FAM13A: variants seen among roughly 807,000 people sequenced by gnomAD.
The protein encoded by FAM13A is family with sequence similarity 13 member A.
A neutral mutation model predicts 129.6 loss-of-function variants in FAM13A; 76 were observed. That is an observed-to-expected ratio of 0.59 (90% confidence interval 0.49 to 0.71). FAM13A has a LOEUF of 0.71. FAM13A is among the 30% of genes least tolerant of loss of function. The pLI, the probability that FAM13A is intolerant of heterozygous loss-of-function variation, is 0.00. For missense variants in FAM13A, 1,108 were observed against 1,249.3 expected (o/e 0.89, Z 1.70); for synonymous variants, 443 against 449.9 (o/e 0.98, Z 0.20).
In FAM13A at chr4:88,726,139, C is replaced by A. The variant is rs1236686440; in HGVS notation, c.*2394G>T. The A allele has an allele frequency of 1.3e-5, 2 of 152,140 alleles. No homozygotes were observed. The highest frequency in any genetic ancestry group is 3.9e-4 in the East Asian group (2 of 5,190). 9.4% of individuals were successfully genotyped at this position (152,140 alleles called of 1,614,324 possible). ...ATTAATTAAGACACCGCCTCTAGTG[C>A]CTTGAGATTCTGGGCTGCAGAAATG... On this transcript the variant is annotated 3_prime_UTR_variant, in exon 24 of 24. Coordinates refer to ENST00000264344, the MANE Select transcript of FAM13A (RefSeq NM_014883.4).
At chr4:88,982,158 T>C (rs1489444692) in intron 4 of FAM13A, among the ~76,000 whole-genome samples, 2 of 152,222 alleles carry the variant, frequency 1.3e-5, no homozygotes, top group African/African-American at 4.8e-5. Flanking sequence ...TTGAAGAAGT[T>C]GGCTTGTGTT....
At chr4:88,802,016 T>C (rs780368356) in intron 8 of FAM13A, among the ~76,000 whole-genome samples, 5 of 151,866 alleles carry the variant, frequency 3.3e-5, no homozygotes, top group African/African-American at 9.7e-5. Flanking sequence ...ATGCAGACAA[T>C]AAAAGGTTGA....
At chr4:89,045,367 A>T (rs540052342) in intron 1 of FAM13A, among the ~76,000 whole-genome samples, 1 of 152,324 alleles carries the variant, frequency 6.6e-6, no homozygotes, top group African/African-American at 2.4e-5. Context: ...AATCACAATG[A>T]TTTCAGAGCT....
chr4:88,948,685 C>T (rs1756380973), intron 4 of FAM13A, among the ~76,000 whole-genome samples: 1 of 152,126 alleles, frequency 6.6e-6, no homozygotes, highest in South Asian at 2.1e-4. Context: ...GGCGGGGTTT[C>T]ACCATGTTGG....
intron 4 of FAM13A, among the ~76,000 whole-genome samples, chr4:88,968,317 T>C (rs537106052): frequency 6.6e-6 from 1 of 152,350 alleles, no homozygotes; most frequent in East Asian, 1.9e-4. Context: ...GTTTCAACTT[T>C]GCAACACTTA....
In FAM13A at chr4:88,727,271, TAAA is replaced by T. The variant is rs1325455145; in HGVS notation, c.*1259_*1261del. On this transcript the variant is annotated 3_prime_UTR_variant, in exon 24 of 24. Coordinates refer to ENST00000264344, the MANE Select transcript of FAM13A (RefSeq NM_014883.4). The stretch of plus-strand genomic sequence containing the variant: ...AACCCACTGTCCTTGGCGCAGGAGT[TAAA>T]AAAGTAACAGCAAATCATGAGGTGA... The T allele has an allele frequency of 6.6e-6, 1 of 152,566 alleles. No homozygotes were observed. The highest frequency in any genetic ancestry group is 1.5e-5 in the Non-Finnish European group (1 of 68,042). 9.5% of individuals were successfully genotyped at this position (152,566 alleles called of 1,614,324 possible). A position where few individuals can be genotyped will look rare whatever the true frequency, so the allele number is the denominator to read the frequency against.
intron 6 of FAM13A, among the ~76,000 whole-genome samples, chr4:88,900,446 C>T (rs1280912927): frequency 2.6e-5 from 4 of 151,958 alleles, no homozygotes; most frequent in African/African-American, 9.7e-5. Context: ...AACCATGGAC[C>T]TCTCAGTGGA....
rs142382120 is a variant in FAM13A, at chr4:88,967,297, T to C, written c.605+23676A>G. On this transcript the variant is annotated intron_variant, in intron 4 of 23. Coordinates refer to ENST00000264344, the MANE Select transcript of FAM13A (RefSeq NM_014883.4). ...TATCTACTATACATTTGGTGCACAG[T>C]ATGGTGAGAATAACTGAACTGCTGA... Among the ~76,000 whole-genome samples the C allele has an allele frequency of 8.5e-5, 13 of 152,312 alleles. No homozygotes were observed. The South Asian group carries it at 1.7e-3, about 19-fold the overall frequency.
rs144789627 is a variant in FAM13A, at chr4:88,901,029, A to G, written c.843+5350T>C. On this transcript the variant is annotated intron_variant, in intron 6 of 23. Coordinates refer to ENST00000264344, the MANE Select transcript of FAM13A (RefSeq NM_014883.4). ...ACAAAACAGGCCTTAAACCAACAAC[A>G]ATAAAAAAAGACAAAGAAGAGCTTT... 4.3e-3 allele frequency among the ~76,000 whole-genome samples: 662 copies of G among 152,190 alleles called. 4 individuals carry two copies. The highest frequency in any genetic ancestry group is 0.015 in the African/African-American group (629 of 41,546).
rs899397089 is a variant in FAM13A at position 88,728,013 on chromosome 4, T to C, written c.*520A>G. On this transcript the variant is annotated 3_prime_UTR_variant, in exon 24 of 24. Transcript: ENST00000264344. The stretch of plus-strand genomic sequence containing the variant: ...AGGCGCAGCTCTGTGGAAAGGTCAC[T>C]AGAATGGCAGCGGCAGCAAATAGGG... 6 of 154,266 alleles carry C rather than the reference T, an allele frequency of 3.9e-5. No individual in the cohort carries two copies. Among genetic ancestry groups the C allele is most frequent in the Non-Finnish European group, 8.7e-5 (6 of 69,094 alleles). The allele number at this position is 154,266 out of a possible 1,614,324, so 9.6% of individuals were successfully genotyped here.
At chr4:88,908,325 G>A (rs1748495898) in intron 5 of FAM13A, among the ~76,000 whole-genome samples, 1 of 152,174 alleles carries the variant, frequency 6.6e-6, no homozygotes, top group Non-Finnish European at 1.5e-5. Context: ...ATTTGACTAT[G>A]CTTGGATAAC....
intron 5 of FAM13A, among the ~76,000 whole-genome samples, chr4:88,924,683 CA>C (rs1429391115): frequency 6.6e-6 from 1 of 152,112 alleles, no homozygotes; most frequent in Admixed American, 6.6e-5. Flanking sequence ...GCAATAGCAA[CA>C]AAAGCCAAAA....
At chr4:88,735,456 G>A (rs1280765382) in intron 21 of FAM13A, among the ~76,000 whole-genome samples, 2 of 152,168 alleles carry the variant, frequency 1.3e-5, no homozygotes, top group Non-Finnish European at 1.5e-5. Flanking sequence ...TAGGGACAAT[G>A]TCTCTATTCT....
chr4:88,762,613 C>T (rs1745016683), intron 13 of FAM13A, among the ~76,000 whole-genome samples: 1 of 152,178 alleles, frequency 6.6e-6, no homozygotes, highest in Admixed American at 6.5e-5. Flanking sequence ...GGAGGCTGTC[C>T]TATGTCCTAT....
intron 1 of FAM13A, among the ~76,000 whole-genome samples, chr4:89,038,963 G>A (rs1769753281): frequency 6.6e-6 from 1 of 152,092 alleles, no homozygotes; most frequent in South Asian, 2.1e-4. Context: ...ACCTTAACTT[G>A]TTACCCAAAA....
chr4:88,785,055 G>A (rs67081224), intron 10 of FAM13A, among the ~76,000 whole-genome samples: 14,340 of 152,014 alleles, frequency 0.094, 889 homozygotes, highest in African/African-American at 0.16. Flanking sequence ...TCTATCTTCG[G>A]TACTGCTATT....
At chr4:89,030,588 A>T (rs1768555741) in intron 1 of FAM13A, among the ~76,000 whole-genome samples, 1 of 152,160 alleles carries the variant, frequency 6.6e-6, no homozygotes, top group African/African-American at 2.4e-5. Context: ...AAATGACTTA[A>T]ATCACCAACA....
intron 7 of FAM13A, among the ~76,000 whole-genome samples, chr4:88,840,592 G>A (rs1218793182): frequency 6.6e-6 from 1 of 152,048 alleles, no homozygotes; most frequent in Non-Finnish European, 1.5e-5. Flanking sequence ...CTCATCCACT[G>A]TAATGGGAGA....
chr4:88,868,735 T>C (rs1740868252), intron 6 of FAM13A, among the ~76,000 whole-genome samples: 1 of 152,214 alleles, frequency 6.6e-6, no homozygotes. Flanking sequence ...CCTCCCTTTG[T>C]ACTCTTTTAC....
Sources: gnomAD v4.1 joint callset for allele counts (sites outside exome capture counted in the v4.1 genomes callset) on GRCh38, gnomAD v4.1.1 for gene constraint, MANE v1.5 for transcripts, NCBI Gene and HGNC (gene_info 2026-07-23, HGNC 2026-07-21) for gene names.